LASP1: variants seen among roughly 807,000 people sequenced by gnomAD.
The protein encoded by LASP1 is LIM and SH3 protein 1, also known as LIM and SH3 domain protein 1.
In LASP1, 10 loss-of-function variants were observed where a neutral mutation model predicts 38.6. The observed-to-expected ratio is 0.26, with a 90% CI of 0.16 to 0.44. LASP1 has a LOEUF of 0.44. Among genes scored for constraint, LASP1 ranks in the 20% least tolerant of loss-of-function variants. The pLI is 1.00. For synonymous variants in LASP1, 132 were observed against 140.8 expected (o/e 0.94, Z 0.44); for missense variants, 243 against 375.7 (o/e 0.65, Z 2.92).
chr17:38,871,748 G>A (rs1034547446), intron 1 of LASP1, among the ~76,000 whole-genome samples: 1 of 152,100 alleles, frequency 6.6e-6, no homozygotes, highest in African/African-American at 2.4e-5. Context: ...GGCCGCTGCT[G>A]TGTCACTGTT....
At chr17:38,886,893 CCT>C (rs1355557075) in intron 2 of LASP1, among the ~76,000 whole-genome samples, 1 of 152,092 alleles carries the variant, frequency 6.6e-6, no homozygotes, top group Non-Finnish European at 1.5e-5. Flanking sequence ...CTGGAGCTGG[CCT>C]CTGTTTTATT....
chr17:38,881,640 G>T (rs1913954724), intron 2 of LASP1, among the ~76,000 whole-genome samples: 1 of 152,174 alleles, frequency 6.6e-6, no homozygotes, highest in East Asian at 1.9e-4. Flanking sequence ...CACAGGCCTG[G>T]CTTCCTTCTC....
chr17:38,874,899 C>G (rs537640762), intron 1 of LASP1, among the ~76,000 whole-genome samples: 2 of 152,256 alleles, frequency 1.3e-5, no homozygotes, highest in East Asian at 3.9e-4. Flanking sequence ...CCTGTGCCCC[C>G]TGCCTGCTCA....
intron 3 of LASP1, among the ~76,000 whole-genome samples, chr17:38,893,325 G>A (rs929774238): frequency 2.0e-5 from 3 of 152,222 alleles, no homozygotes; most frequent in Non-Finnish European, 2.9e-5. Flanking sequence ...CCCACCCAAG[G>A]GACTTCTGCT....
At position 38,901,277 on chromosome 17, in the gene LASP1, T is replaced by C. The variant is rs139877727; in HGVS notation, c.357+2758T>C. On this transcript the variant is annotated intron_variant, in intron 4 of 6. Transcript: ENST00000318008. ...CCCCCAGTTAGAGGTGTTAATATCC[T>C]AGTGACAAAACTCACCACCCTGGCC... is the stretch of plus-strand genomic sequence containing the variant. Among the ~76,000 whole-genome samples the C allele has an allele frequency of 4.6e-5, 7 of 152,278 alleles. No homozygotes were observed. In the East Asian group the frequency reaches 1.4e-3, roughly 29 times the overall value.
Position 38,911,817 on chromosome 17 carries a change from G to A in LASP1, c.358-2508G>A, listed in dbSNP as rs115539946. 6.6e-3 allele frequency among the ~76,000 whole-genome samples: 1,001 copies of A among 151,908 alleles called. 7 individuals are homozygous for A. Among genetic ancestry groups the A allele is most frequent in the African/African-American group, 0.023 (956 of 41,400 alleles). ...TTTTTTCATTTTGAGACAGAGTCAC[G>A]GAGTCTCACTCTGTCACCCAGGCTG... is the stretch of plus-strand genomic sequence containing the variant. On this transcript the variant is annotated intron_variant, in intron 4 of 6. Transcript: ENST00000318008.
chr17:38,882,666 G>A (rs893455982), intron 2 of LASP1, among the ~76,000 whole-genome samples: 3 of 152,172 alleles, frequency 2.0e-5, no homozygotes, highest in African/African-American at 7.2e-5. Flanking sequence ...TCCAAAAGTG[G>A]GGCAGATCAG....
chr17:38,890,668 C>G (rs1299997177), intron 3 of LASP1, among the ~76,000 whole-genome samples, 164 bp downstream of exon 3: 1 of 152,158 alleles, frequency 6.6e-6, no homozygotes, highest in African/African-American at 2.4e-5. Context: ...CTGACTTTAT[C>G]AAAGGAGCAG....
chr17:38,914,447 G>T lies in LASP1; in HGVS notation c.480G>T (p.Gln160His), dbSNP rs781298203. Residue 160 changes from glutamine (Q) to histidine (H), a missense_variant, in exon 5 of 7, where the codon CAG becomes CAT. Coordinates refer to ENST00000318008, the MANE Select transcript of LASP1 (RefSeq NM_006148.4). ...ACCGGCGGCCCCTGGAGCAGCAGCA[G>T]CCTCACCACATCCCGACCAGTGCCC... ...SSYRRPLEQQ[Q>H]PHHIPTSAPV... is the part of the protein sequence containing the mutation. 1.2e-6 allele frequency: 2 copies of T among 1,610,386 alleles called. No individual in the cohort carries two copies. The highest frequency in any genetic ancestry group is 4.5e-5 in the East Asian group (2 of 44,866).
chr17:38,906,221 C>T (rs991287697), intron 4 of LASP1, among the ~76,000 whole-genome samples: 2 of 152,066 alleles, frequency 1.3e-5, no homozygotes, highest in African/African-American at 4.8e-5. Context: ...GCAGTATTCT[C>T]GGGCTGGCTG....
At position 38,919,883 on chromosome 17, in the gene LASP1, T is replaced by A. The variant is rs1204406758; in HGVS notation, c.*1105T>A. ...TGACACGCAAGTGTGTGAGTGTGAG[T>A]GTGAGAGATGGGGCGGGGGTGTGTC... On this transcript the variant is annotated 3_prime_UTR_variant, in exon 7 of 7. Transcript: ENST00000318008. The A allele has an allele frequency of 2.0e-6, 1 of 489,502 alleles. No homozygotes were observed. The highest frequency in any genetic ancestry group is 4.0e-6 in the Non-Finnish European group (1 of 251,474). The allele number at this position is 489,502 out of a possible 1,614,324, so 30.3% of individuals were successfully genotyped here. A position where few individuals can be genotyped will look rare whatever the true frequency, so the allele number is the denominator to read the frequency against.
At chr17:38,874,596 C>T (rs1049356118) in intron 1 of LASP1, among the ~76,000 whole-genome samples, 4 of 152,172 alleles carry the variant, frequency 2.6e-5, no homozygotes, top group Non-Finnish European at 2.9e-5. Flanking sequence ...AGGGGTGGAA[C>T]GGCCTCCTCT....
At chr17:38,894,321 C>T (rs931077624) in intron 3 of LASP1, among the ~76,000 whole-genome samples, 1 of 152,146 alleles carries the variant, frequency 6.6e-6, no homozygotes, top group East Asian at 1.9e-4. Context: ...TTGATGGGGT[C>T]ATGGGAAATT....
chr17:38,909,315 A>G (rs1914862618), intron 4 of LASP1, among the ~76,000 whole-genome samples: 1 of 152,144 alleles, frequency 6.6e-6, no homozygotes, highest in Admixed American at 6.5e-5. Flanking sequence ...CTCTCTGGAA[A>G]GTGAAGAGGA....
At chr17:38,877,965 TC>T in intron 1 of LASP1, 120 bp from the exon 2 acceptor site, 1 of 690,960 alleles carries the variant, frequency 1.4e-6, no homozygotes, top group Non-Finnish European at 2.6e-6. Flanking sequence ...GATTCCATGT[TC>T]TCCCCACAGC....
At chr17:38,892,190 C>T (rs189645346) in intron 3 of LASP1, among the ~76,000 whole-genome samples, 5 of 152,208 alleles carry the variant, frequency 3.3e-5, no homozygotes, top group Admixed American at 2.6e-4. Flanking sequence ...AAAGACCCAG[C>T]GTCTCTGTCT....
rs763719175 is a variant in LASP1, at chr17:38,870,205, G to A, written c.16G>A (p.Ala6Thr). Residue 6 changes from alanine (A) to threonine (T), a missense_variant, in exon 1 of 7, where the codon GCC (alanine) becomes ACC (threonine). Transcript: ENST00000318008. ...TCTCGGAACCATGAACCCCAACTGC[G>A]CCCGGTGCGGCAAGATCGTGTATCC... The part of the protein sequence containing the change: MNPNC[A>T]RCGKIVYPTE... 6 of 1,613,890 alleles carry A rather than the reference G, an allele frequency of 3.7e-6. No homozygotes were observed. The highest frequency in any genetic ancestry group is 5.1e-6 in the Non-Finnish European group (6 of 1,179,872).
At chr17:38,887,831 G>A (rs898377863) in intron 2 of LASP1, among the ~76,000 whole-genome samples, 1 of 152,202 alleles carries the variant, frequency 6.6e-6, no homozygotes, top group Admixed American at 6.5e-5. Flanking sequence ...TGGCCTCAGG[G>A]GAAGTCGCCT....
intron 4 of LASP1, among the ~76,000 whole-genome samples, chr17:38,900,087 A>G (rs1003230706): frequency 1.3e-5 from 2 of 150,288 alleles, no homozygotes; most frequent in African/African-American, 4.9e-5. Context: ...CTCACATAAT[A>G]CAGCCCCTTT....
Sources: gnomAD v4.1 joint callset for allele counts (sites outside exome capture counted in the v4.1 genomes callset) on GRCh38, gnomAD v4.1.1 for gene constraint, MANE v1.5 for transcripts, NCBI Gene and HGNC (gene_info 2026-07-23, HGNC 2026-07-21) for gene names.